The following COL19A1 variants were observed in gnomAD, a reference collection of about 807,000 sequenced individuals.
COL19A1 encodes the protein collagen alpha-1(XIX) chain.
In COL19A1, 159 loss-of-function variants were observed where a neutral mutation model predicts 190.2. That is an observed-to-expected ratio of 0.84 (90% CI 0.73 to 0.95). The LOEUF (loss-of-function observed/expected upper bound fraction) is 0.95. Among genes scored for constraint, COL19A1 ranks in the 40% least tolerant of loss-of-function variants. The probability of loss-of-function intolerance (pLI) is 0.00; values close to 1 mark genes in which losing one functional copy is unlikely to be tolerated. For synonymous variants in COL19A1, 509 were observed against 458.9 expected (o/e 1.11, Z -1.39); for missense variants, 1,418 against 1,431.9 (o/e 0.99, Z 0.16).
intron 11 of COL19A1, among the ~76,000 whole-genome samples, chr6:70,009,597 T>C (rs937009667): frequency 2.6e-5 from 4 of 152,132 alleles, no homozygotes; most frequent in Non-Finnish European, 4.4e-5. Flanking sequence ...CAAATTTTTC[T>C]AGCCATCATG....
intron 4 of COL19A1, among the ~76,000 whole-genome samples, chr6:69,922,740 C>A (rs1327140742): frequency 6.6e-6 from 1 of 152,118 alleles, no homozygotes; most frequent in Non-Finnish European, 1.5e-5. Flanking sequence ...CTCGGCCTCC[C>A]AAAGTGCTGG....
chr6:69,874,029 A>T (rs944352416), intron 1 of COL19A1, among the ~76,000 whole-genome samples: 1 of 152,212 alleles, frequency 6.6e-6, no homozygotes, highest in African/African-American at 2.4e-5. Flanking sequence ...TTGTAAATCT[A>T]TCTTGATAAT....
intron 15 of COL19A1, among the ~76,000 whole-genome samples, chr6:70,100,079 C>T (rs779423707): frequency 5.3e-5 from 8 of 152,302 alleles, no homozygotes; most frequent in Non-Finnish European, 7.4e-5. Flanking sequence ...TCATTTTCCC[C>T]GCTTCCTGCC....
chr6:69,924,890 A>G (rs1033291088), intron 4 of COL19A1, among the ~76,000 whole-genome samples: 1 of 152,148 alleles, frequency 6.6e-6, no homozygotes, highest in Non-Finnish European at 1.5e-5. Context: ...TCTTCTTTTG[A>G]GAAGTGTCTG....
intron 14 of COL19A1, among the ~76,000 whole-genome samples, chr6:70,046,784 AT>A (rs1779944057): frequency 6.6e-6 from 1 of 152,156 alleles, no homozygotes; most frequent in African/African-American, 2.4e-5. Context: ...AAAATTTAGC[AT>A]TCTAATCATA....
At chr6:70,043,491 C>T (rs1342901877) in intron 14 of COL19A1, among the ~76,000 whole-genome samples, 1 of 152,120 alleles carries the variant, frequency 6.6e-6, no homozygotes, top group African/African-American at 2.4e-5. Context: ...CGCGCCCGGC[C>T]ACAAAATGTA....
intron 14 of COL19A1, among the ~76,000 whole-genome samples, chr6:70,055,100 T>C (rs1473845577): frequency 6.6e-6 from 1 of 152,148 alleles, no homozygotes; most frequent in Non-Finnish European, 1.5e-5. Flanking sequence ...AAGAATAATA[T>C]GGCTTTTAAA....
chr6:70,164,904 T>A (rs1404269200), intron 36 of COL19A1, among the ~76,000 whole-genome samples: 1 of 152,220 alleles, frequency 6.6e-6, no homozygotes, highest in African/African-American at 2.4e-5. Flanking sequence ...AACTTTACAG[T>A]TTATTTTTAT....
rs183424003 is a variant in COL19A1, at chr6:70,165,093, T to C, written c.2401-848T>C. On this transcript the variant is annotated intron_variant, in intron 36 of 50. Transcript: ENST00000620364. ...TTTTAATTAACCATGTCTTGCCATTTCCCCTGCTATAGAGGGACTTAAGAG... is the reference window on the plus strand; with the variant it reads ...TTTTAATTAACCATGTCTTGCCATTCCCCCTGCTATAGAGGGACTTAAGAG... 2.6e-3 allele frequency among the ~76,000 whole-genome samples: 391 copies of C among 152,240 alleles called. 10 individuals are homozygous for C. Among genetic ancestry groups the C allele is most frequent in the Admixed American group, 0.024 (360 of 15,294 alleles).
chr6:70,066,781 C>A (rs1781244912), intron 14 of COL19A1, among the ~76,000 whole-genome samples: 1 of 151,844 alleles, frequency 6.6e-6, no homozygotes, highest in Non-Finnish European at 1.5e-5. Flanking sequence ...AATTAGATAA[C>A]AAAAGAATTT....
At chr6:70,056,561 G>T (rs1435068287) in intron 14 of COL19A1, among the ~76,000 whole-genome samples, 1 of 152,096 alleles carries the variant, frequency 6.6e-6, no homozygotes, top group Non-Finnish European at 1.5e-5. Context: ...TATGATCTAT[G>T]AGAGCATCTC....
intron 4 of COL19A1, among the ~76,000 whole-genome samples, chr6:69,921,319 A>ATCATAT (rs1203932214): frequency 1.6e-5 from 2 of 123,232 alleles, no homozygotes; most frequent in African/African-American, 6.7e-5. Flanking sequence ...TATATCATAT[A>ATCATAT]ATCATATATC....
intron 4 of COL19A1, among the ~76,000 whole-genome samples, chr6:69,917,544 A>C (rs1477935428): frequency 6.6e-6 from 1 of 152,226 alleles, no homozygotes. Context: ...CACATTCCAC[A>C]AAACGGGCAA....
rs371173065 is a variant in COL19A1 at position 70,162,816 on chromosome 6, G to A, written c.2347-527G>A. Among the ~76,000 whole-genome samples the A allele has an allele frequency of 2.5e-4, 38 of 152,148 alleles. No homozygotes were observed. In the East Asian group the frequency reaches 3.3e-3, roughly 13 times the overall value. On this transcript the variant is annotated intron_variant, in intron 35 of 50. Coordinates refer to ENST00000620364, the MANE Select transcript of COL19A1 (RefSeq NM_001858.6). ...CGCCACAGTTATACAGAACAAACCT[G>A]GCTTTAAATTGTTCACTAAAATTAA...
chr6:70,190,453 C>T, intron 48 of COL19A1, 72 bp downstream of exon 48: 6 of 1,005,490 alleles, frequency 6.0e-6, no homozygotes, highest in Non-Finnish European at 9.1e-6. Flanking sequence ...GGGAATCCCT[C>T]CAGCAACATT....
At chr6:70,159,041 G>C (rs1239019507) in intron 34 of COL19A1, among the ~76,000 whole-genome samples, 2 of 151,560 alleles carry the variant, frequency 1.3e-5, no homozygotes, top group Non-Finnish European at 2.9e-5. Flanking sequence ...TTATTTTAAA[G>C]TTTAATGTGG....
chr6:70,065,387 G>C (rs1257101031), intron 14 of COL19A1, among the ~76,000 whole-genome samples: 2 of 152,170 alleles, frequency 1.3e-5, no homozygotes, highest in African/African-American at 2.4e-5. Flanking sequence ...AATGGTGCTG[G>C]GAAAACGGGC....
chr6:69,870,347 A>AT (rs1185308590), intron 1 of COL19A1, among the ~76,000 whole-genome samples: 1 of 152,230 alleles, frequency 6.6e-6, no homozygotes, highest in African/African-American at 2.4e-5. Flanking sequence ...GTGCAGAAGC[A>AT]TAAGTGGGTA....
intron 4 of COL19A1, among the ~76,000 whole-genome samples, chr6:69,927,053 G>C (rs142521686): frequency 4.6e-5 from 7 of 151,890 alleles, no homozygotes. Flanking sequence ...TGAAATTAAG[G>C]ATTAAAAAAA....
Sources: gnomAD v4.1 joint callset for allele counts (sites outside exome capture counted in the v4.1 genomes callset) on GRCh38, gnomAD v4.1.1 for gene constraint, MANE v1.5 for transcripts, NCBI Gene and HGNC (gene_info 2026-07-23, HGNC 2026-07-21) for gene names.